CHD5: variants seen among roughly 807,000 people sequenced by gnomAD.
CHD5 encodes ATP-dependent chromatin remodeler CHD5.
Under a neutral mutation model 230.3 loss-of-function variants are expected in CHD5, and 69 were observed. That is an observed-to-expected ratio of 0.30 (90% CI 0.25 to 0.37). The LOEUF (loss-of-function observed/expected upper bound fraction) is 0.37. Ranked by LOEUF, CHD5 falls within the 10% of genes least tolerant of loss-of-function variation. The probability of loss-of-function intolerance (pLI) is 1.00; values close to 1 mark genes in which losing one functional copy is unlikely to be tolerated. For synonymous variants in CHD5, 1,064 were observed against 1,065.9 expected, an observed-to-expected ratio of 1.00 and a Z score of 0.03; for missense variants, 1,827 against 2,622.8, an observed-to-expected ratio of 0.70 and a Z score of 6.63.
chr1:6,113,380 C>T (rs554848082), intron 33 of CHD5: 2 of 423,560 alleles, frequency 4.7e-6, no homozygotes, highest in Admixed American at 5.4e-5. Context: ...GCCGAGATGG[C>T]GCCACTGCAC....
At chr1:6,107,617 A>G (rs373926179) in intron 38 of CHD5, among the ~76,000 whole-genome samples, 15 of 46,766 alleles carry the variant, frequency 3.2e-4, no homozygotes, top group African/African-American at 5.0e-4. Flanking sequence ...ATAAAGGGAT[A>G]TAGGGATGAA....
intron 1 of CHD5, among the ~76,000 whole-genome samples, chr1:6,179,034 C>G (rs1274188297): frequency 2.0e-5 from 3 of 152,236 alleles, no homozygotes; most frequent in Non-Finnish European, 2.9e-5. Flanking sequence ...GGGGCCCTAC[C>G]CAGCTGTGCC....
At chr1:6,111,987 C>G (rs1403200215) in intron 35 of CHD5, 104 bp from the exon 36 acceptor site, 3 of 1,368,170 alleles carry the variant, frequency 2.2e-6, no homozygotes, top group Non-Finnish European at 3.1e-6. Flanking sequence ...CCTCCACCCC[C>G]AGAGGTCCAG....
intron 9 of CHD5, among the ~76,000 whole-genome samples, chr1:6,148,341 T>A (rs1666943569): frequency 6.6e-6 from 1 of 152,160 alleles, no homozygotes; most frequent in African/African-American, 2.4e-5. Flanking sequence ...AGAAGCCTCC[T>A]GCCCTCTCCC....
rs116271874 is a variant in CHD5 at position 6,173,897 on chromosome 1, A to G, written c.80-5620T>C. Among the ~76,000 whole-genome samples, 1,048 of 152,338 alleles carry G rather than the reference A, an allele frequency of 6.9e-3. 11 individuals carry two copies. Among genetic ancestry groups the G allele is most frequent in the African/African-American group, 0.023 (954 of 41,562 alleles). On this transcript the variant is annotated intron_variant, in intron 1 of 41. Transcript: ENST00000262450. The stretch of plus-strand genomic sequence containing the variant: ...CAGTACACCGCCCAAGAGAGGATTC[A>G]TAATTTATTTATGACATTTAACAAA...
rs995346223 is a variant in CHD5, at chr1:6,168,223, A to G, written c.134T>C (p.Val45Ala). ...GGGTTTCTTCTTCTTAGGAAGGCTC[A>G]CGGGCTCCACAGGGAAAAAGTCATC... ...AFDDFFPVEPVSLPKKKKPKK... is the reference protein window; with the variant it reads ...AFDDFFPVEPASLPKKKKPKK... The change falls in exon 2 of 42, where the codon GTG (valine) becomes GCG (alanine). Residue 45 changes from valine to alanine, a missense_variant. Val to Ala is a moderately conservative substitution (Grantham distance 64, BLOSUM62 0). This residue lies in a region of CHD5 where 113 missense variants were observed against 91.9 expected (regional missense o/e 1.23). Transcript: ENST00000262450. 1 of 1,611,878 alleles carries G rather than the reference A, an allele frequency of 6.2e-7. No individual in the cohort carries two copies. Among genetic ancestry groups the G allele is most frequent in the East Asian group, 2.2e-5 (1 of 44,804 alleles).
At chr1:6,160,642 C>A (rs1409916632) in intron 2 of CHD5, among the ~76,000 whole-genome samples, 1 of 152,292 alleles carries the variant, frequency 6.6e-6, no homozygotes, top group East Asian at 1.9e-4. Context: ...CAGTTTTCTC[C>A]ATGTGCGGAC....
chr1:6,159,155 A>G (rs1452800239), intron 3 of CHD5, among the ~76,000 whole-genome samples, 181 bp downstream of exon 3: 2 of 151,500 alleles, frequency 1.3e-5, no homozygotes, highest in Admixed American at 1.3e-4. Context: ...GAATTGCTTG[A>G]ACCTGGGAGG....
chr1:6,141,172 G>A (rs1237854908), intron 15 of CHD5, among the ~76,000 whole-genome samples: 8 of 150,744 alleles, frequency 5.3e-5, no homozygotes, highest in African/African-American at 2.0e-4. Flanking sequence ...TAATCCCGGC[G>A]ACTCTGGAGG....
At position 6,155,710 on chromosome 1, in the gene CHD5, T is replaced by G; in HGVS notation, c.395A>C (p.Lys132Thr). 1 of 1,613,614 alleles carries G rather than the reference T, an allele frequency of 6.2e-7. No individual in the cohort carries two copies. The highest frequency in any genetic ancestry group is 8.5e-7 in the Non-Finnish European group (1 of 1,179,710). ...CTCGGCCATGAGCTGCCCCGAGGAC[T>G]TGGGCTCCTACAGAGACCCAGGCCA... ...DNDDGCLKEPKSSGQLMAEWG... is the reference protein window; with the variant it reads ...DNDDGCLKEPTSSGQLMAEWG... The change falls in exon 4 of 42, where the codon AAG (lysine) becomes ACG (threonine). Residue 132 changes from lysine to threonine, a missense_variant. By Grantham distance (78) the Lys-to-Thr change is moderately conservative (BLOSUM62 -1). This residue lies in a region of CHD5 where 657 missense variants were observed against 816.4 expected (regional missense o/e 0.80). Coordinates refer to ENST00000262450, the MANE Select transcript of CHD5 (RefSeq NM_015557.3). The surrounding 1 kb of genome is among the most constrained non-coding windows in gnomAD (Gnocchi z 4.0).
chr1:6,106,546 G>T (rs1440578694), intron 39 of CHD5, 37 bp from the exon 40 acceptor site: 1 of 1,550,262 alleles, frequency 6.5e-7, no homozygotes. Context: ...GTGGTCTCAG[G>T]CCCCCCACCC....
intron 33 of CHD5, among the ~76,000 whole-genome samples, chr1:6,114,424 C>T (rs1426152239): frequency 2.0e-5 from 3 of 151,986 alleles, no homozygotes; most frequent in East Asian, 1.9e-4. Context: ...CTGGGCCACA[C>T]TGGAAGAAGA....
Position 6,134,066 on chromosome 1 carries a change from T to G in CHD5, c.3144+62A>C, listed in dbSNP as rs1310420534. 6.5e-7 allele frequency: 1 copy of G among 1,549,976 alleles called. No individual in the cohort carries two copies. Among genetic ancestry groups the G allele is most frequent in the East Asian group, 2.3e-5 (1 of 44,254 alleles). On this transcript the variant is annotated intron_variant, in intron 20 of 41. Coordinates refer to ENST00000262450, the MANE Select transcript of CHD5 (RefSeq NM_015557.3). This position sits in a 1 kb window ranked among gnomAD's most constrained non-coding sequence, Gnocchi z 6.3. The stretch of plus-strand genomic sequence containing the variant: ...GCCAGCAAGTTTGCGCCCCCAAGCA[T>G]CAGGGCAGGATGCTCTCTGTGGGGT...
intron 3 of CHD5, among the ~76,000 whole-genome samples, chr1:6,157,793 T>C (rs941059504): frequency 2.0e-5 from 3 of 152,184 alleles, no homozygotes; most frequent in Non-Finnish European, 4.4e-5. Flanking sequence ...GGGATGATAC[T>C]GTTACAGGGT....
chr1:6,170,437 G>A (rs1352165351), intron 1 of CHD5, among the ~76,000 whole-genome samples: 2 of 152,202 alleles, frequency 1.3e-5, no homozygotes, highest in Non-Finnish European at 2.9e-5. Flanking sequence ...GGGGCACCGG[G>A]GCTCTGGTGG....
rs368663277 is a variant in CHD5, at chr1:6,119,232, G to T, written c.4912+1873C>A. On this transcript the variant is annotated intron_variant, in intron 33 of 41. Coordinates refer to ENST00000262450, the MANE Select transcript of CHD5 (RefSeq NM_015557.3). ...TGCGACCTCAGCCTCCCAAGTAGCT[G>T]GGACTACTGGCGCTCGCCACCATGC... 1.2e-4 allele frequency among the ~76,000 whole-genome samples: 19 copies of T among 152,088 alleles called. No individual in the cohort carries two copies. The East Asian group carries it at 3.1e-3, about 25-fold the overall frequency.
intron 2 of CHD5, among the ~76,000 whole-genome samples, chr1:6,164,249 G>A (rs987205576): frequency 3.3e-5 from 5 of 152,238 alleles, no homozygotes; most frequent in East Asian, 1.9e-4. Flanking sequence ...GGAAGGGTGC[G>A]GAGAGTGGGT....
At chr1:6,114,951 C>T (rs1397020277) in intron 33 of CHD5, among the ~76,000 whole-genome samples, 3 of 150,550 alleles carry the variant, frequency 2.0e-5, no homozygotes, top group Non-Finnish European at 3.0e-5. Flanking sequence ...GAAGCAGAGG[C>T]TACAGTGAGC....
chr1:6,166,200 C>A (rs1667251913), intron 2 of CHD5, among the ~76,000 whole-genome samples: 1 of 148,750 alleles, frequency 6.7e-6, no homozygotes, highest in African/African-American at 2.5e-5. Context: ...CAGGGTGGTA[C>A]ACACACAGTC....
Sources: allele counts gnomAD v4.1 joint callset (sites outside exome capture counted in the v4.1 genomes callset), GRCh38; gene constraint gnomAD v4.1.1; regional missense constraint gnomAD v4.1.1; non-coding constraint Gnocchi (gnomAD v3.1); transcripts MANE v1.5; gene names NCBI Gene and HGNC (gene_info 2026-07-23, HGNC 2026-07-21).